The following LRRC27 variants were observed in gnomAD, a reference collection of about 807,000 sequenced individuals.
LRRC27 encodes the protein leucine-rich repeat-containing protein 27.
In LRRC27, 57 loss-of-function variants were observed where a neutral mutation model predicts 55.0. That is an observed-to-expected ratio of 1.04 (90% CI 0.84 to 1.29). LRRC27 has a LOEUF of 1.29. Ranked by LOEUF, LRRC27 falls within the 50% of genes most tolerant of loss-of-function variation. The probability of loss-of-function intolerance (pLI) is 0.00; values close to 1 mark genes in which losing one functional copy is unlikely to be tolerated. For synonymous variants in LRRC27, 278 were observed against 251.9 expected (o/e 1.10, Z -0.98); for missense variants, 721 against 651.5 (o/e 1.11, Z -1.16).
chr10:132,340,880 CAAA>C (rs35586925), intron 3 of LRRC27, among the ~76,000 whole-genome samples: 4 of 99,562 alleles, frequency 4.0e-5, no homozygotes, highest in Non-Finnish European at 6.2e-5. Flanking sequence ...GACTCCATCT[CAAA>C]AAAAAAAAAA....
At chr10:132,352,706 G>A (rs916967998) in intron 7 of LRRC27, among the ~76,000 whole-genome samples, 11 of 150,616 alleles carry the variant, frequency 7.3e-5, no homozygotes, top group Non-Finnish European at 1.5e-4. Context: ...TGCAGCGCTC[G>A]TGGTCTGCAG....
intron 3 of LRRC27, 148 bp downstream of exon 3, chr10:132,337,843 C>G: frequency 1.1e-6 from 1 of 879,564 alleles, no homozygotes; most frequent in Non-Finnish European, 1.7e-6. Flanking sequence ...TAAGAGGTTG[C>G]GACGGCTGAA....
chr10:132,359,555 G>A (rs1345790601), intron 8 of LRRC27, among the ~76,000 whole-genome samples: 1 of 152,248 alleles, frequency 6.6e-6, no homozygotes, highest in Non-Finnish European at 1.5e-5. Flanking sequence ...GGGCGGGCCT[G>A]GGGAATCATG....
At chr10:132,365,216 C>T (rs1435041632) in intron 9 of LRRC27, among the ~76,000 whole-genome samples, 1 of 152,210 alleles carries the variant, frequency 6.6e-6, no homozygotes, top group Non-Finnish European at 1.5e-5. Flanking sequence ...GAGAGGCAGC[C>T]CAGGCCCCCC....
rs368664549 is a variant in LRRC27 at position 132,337,668 on chromosome 10, C to T, written c.314C>T (p.Ala105Val). 1.8e-5 allele frequency: 29 copies of T among 1,614,096 alleles called. No homozygotes were observed. The highest frequency in any genetic ancestry group is 6.7e-5 in the East Asian group (3 of 44,886). ...WLDLRYNRIKALPSGIGAHQH... is the reference protein window; with the variant it reads ...WLDLRYNRIKVLPSGIGAHQH... ...GACCTCCGGTACAATAGAATTAAAG[C>T]GCTTCCTTCTGGGATTGGAGCTCAC... Residue 105 changes from alanine (A) to valine (V), a missense_variant, in exon 3 of 11, where the codon GCG (alanine) becomes GTG (valine). Physicochemically the swap from Ala to Val is moderately conservative, Grantham distance 64. Transcript: ENST00000368614.
At chr10:132,365,583 T>C (rs2069038694) in intron 10 of LRRC27, 33 bp downstream of exon 10, 1 of 1,604,524 alleles carries the variant, frequency 6.2e-7, no homozygotes, top group Non-Finnish European at 8.5e-7. Context: ...TAAAAAAGTG[T>C]GGGGTGTTTT....
chr10:132,345,644 G>A (rs2067646579), intron 5 of LRRC27, among the ~76,000 whole-genome samples: 1 of 152,218 alleles, frequency 6.6e-6, no homozygotes, highest in African/African-American at 2.4e-5. Flanking sequence ...AGTGTGGAGG[G>A]CACTGGGCAC....
At chr10:132,340,880 C>CAAA (rs35586925) in intron 3 of LRRC27, among the ~76,000 whole-genome samples, 4 of 99,570 alleles carry the variant, frequency 4.0e-5, no homozygotes, top group South Asian at 3.7e-4. Context: ...GACTCCATCT[C>CAAA]AAAAAAAAAA....
At chr10:132,347,427 G>T (rs1302233888) in intron 5 of LRRC27, among the ~76,000 whole-genome samples, 6 of 150,906 alleles carry the variant, frequency 4.0e-5, no homozygotes, top group Non-Finnish European at 4.4e-5. Flanking sequence ...GGCCTGTGTA[G>T]GAAGGTCAGG....
chr10:132,331,992 A>G (rs2066787433), upstream of LRRC27: 2 of 337,996 alleles, frequency 5.9e-6, no homozygotes, highest in Admixed American at 6.2e-5. Flanking sequence ...CAGGCGCACC[A>G]CACCCGACCC....
intron 5 of LRRC27, among the ~76,000 whole-genome samples, chr10:132,346,879 T>C (rs1419444383): frequency 6.6e-6 from 1 of 152,218 alleles, no homozygotes; most frequent in East Asian, 1.9e-4. Flanking sequence ...TTTAAAACTT[T>C]TCCTTTCAAA....
intron 8 of LRRC27, 22 bp from the exon 9 acceptor site, chr10:132,361,435 T>C: frequency 1.9e-6 from 3 of 1,557,274 alleles, no homozygotes; most frequent in South Asian, 1.1e-5. Flanking sequence ...ATTCCAGAAA[T>C]CATCTTGTTG....
In LRRC27 at chr10:132,365,449, G is replaced by T; in HGVS notation, c.1315G>T (p.Glu439Ter). The change falls in exon 10 of 11, where the codon GAG becomes TAG. Residue 439 changes from glutamate (E) to a stop codon, truncating the protein, a stop_gained. Coordinates refer to ENST00000368614, the MANE Select transcript of LRRC27 (RefSeq NM_030626.3). LOFTEE classifies it high-confidence loss of function. ...TGCCCTGCAGGAGAGAAATTTAGAA[G>T]AGAAGATAAAACAGCACGTCCTCCA... is the stretch of plus-strand genomic sequence containing the variant. ...MSALQERNLE[E>*]KIKQHVLQMR... 2 of 1,613,718 alleles carry T rather than the reference G, an allele frequency of 1.2e-6. No individual in the cohort carries two copies. Among genetic ancestry groups the T allele is most frequent in the East Asian group, 4.5e-5 (2 of 44,892 alleles).
At position 132,337,022 on chromosome 10, in the gene LRRC27, C is replaced by T. The variant is rs1281711321; in HGVS notation, c.211-543C>T. ...GCCACCGAGTTGATGTGTCAATCTG[C>T]TTCTGAAATGCTGCTCGCTGAGGCT... On this transcript the variant is annotated intron_variant, in intron 2 of 10. Transcript: ENST00000368614. 5.9e-6 allele frequency: 7 copies of T among 1,177,070 alleles called. No individual in the cohort carries two copies. The African/African-American group carries it at 8.0e-5, about 13-fold the overall frequency. The allele number at this position is 1,177,070 out of a possible 1,614,324, so 72.9% of individuals were successfully genotyped here.
chr10:132,336,021 A>G (rs2067112954), intron 2 of LRRC27, among the ~76,000 whole-genome samples: 1 of 152,200 alleles, frequency 6.6e-6, no homozygotes, highest in Admixed American at 6.5e-5. Context: ...ACCTAAGCCA[A>G]TTCAAGGCAC....
Position 132,344,434 on chromosome 10 carries a change from T to C in LRRC27, c.401-64T>C, listed in dbSNP as rs2067573382. On this transcript the variant is annotated intron_variant, in intron 4 of 10. Transcript: ENST00000368614. ...AAATGTGAAAAGTTACTATTATTTA[T>C]TCCTCATTTTCATTTCAAGAATGGT... The C allele has an allele frequency of 4.7e-6, 7 of 1,480,158 alleles. No homozygotes were observed. The East Asian group carries it at 9.2e-5, about 19-fold the overall frequency. The allele number at this position is 1,480,158 out of a possible 1,614,324, so 91.7% of individuals were successfully genotyped here.
At position 132,347,196 on chromosome 10, in the gene LRRC27, T is replaced by A. The variant is rs576933224; in HGVS notation, c.554-788T>A. Among the ~76,000 whole-genome samples, 14 of 152,366 alleles carry A rather than the reference T, an allele frequency of 9.2e-5. 1 individual carries two copies. Among genetic ancestry groups the A allele is most frequent in the Admixed American group, 6.5e-4 (10 of 15,308 alleles). ...TCTGAGGGGAAGCAGAAATGTTGAT[T>A]AAATGTGGCAAGATTGCCCTGTGTA... is the stretch of plus-strand genomic sequence containing the variant. On this transcript the variant is annotated intron_variant, in intron 5 of 10. Coordinates refer to ENST00000368614, the MANE Select transcript of LRRC27 (RefSeq NM_030626.3).
At chr10:132,364,389 C>CTCCA (rs1564853060) in intron 9 of LRRC27, among the ~76,000 whole-genome samples, 10 of 116,252 alleles carry the variant, frequency 8.6e-5, no homozygotes, top group African/African-American at 2.3e-4. Flanking sequence ...ACACTTACAC[C>CTCCA]CACCCTTACA....
chr10:132,380,235 G>T lies in LRRC27; in HGVS notation c.*4993G>T, dbSNP rs1202513498. ...CACTTGAACCCGGAAGGCAGAGGTTGCAGTGAGCCGAGATCACGCCATTGC... is the reference window on the plus strand; with the variant it reads ...CACTTGAACCCGGAAGGCAGAGGTTTCAGTGAGCCGAGATCACGCCATTGC... On this transcript the variant is annotated 3_prime_UTR_variant, in exon 11 of 11. Transcript: ENST00000368614. Among the ~76,000 whole-genome samples, 1 of 151,938 alleles carries T rather than the reference G, an allele frequency of 6.6e-6. No individual in the cohort carries two copies. Among genetic ancestry groups the T allele is most frequent in the Non-Finnish European group, 1.5e-5 (1 of 68,004 alleles).
Sources: gnomAD v4.1 joint callset for allele counts (sites outside exome capture counted in the v4.1 genomes callset) on GRCh38, gnomAD v4.1.1 for gene constraint, MANE v1.5 for transcripts, NCBI Gene and HGNC (gene_info 2026-07-23, HGNC 2026-07-21) for gene names.